Variants in KPNA1 observed in about 807,000 individuals in gnomAD.
The protein encoded by KPNA1 is karyopherin subunit alpha 1.
KPNA1 carries 10 observed loss-of-function variants against 70.5 expected under a neutral mutation model. That is an observed-to-expected ratio of 0.14 (90% CI 0.09 to 0.24). The LOEUF (loss-of-function observed/expected upper bound fraction) is 0.24, where lower values mean the gene tolerates loss of function less well. Ranked by LOEUF, KPNA1 falls within the 10% of genes least tolerant of loss-of-function variation. The probability of loss-of-function intolerance (pLI) is 1.00; values close to 1 mark genes in which losing one functional copy is unlikely to be tolerated. For missense variants in KPNA1, 397 were observed against 637.9 expected, an observed-to-expected ratio of 0.62 and a Z score of 4.07; for synonymous variants, 192 against 221.9, an observed-to-expected ratio of 0.87 and a Z score of 1.20.
chr3:122,483,637 G>A (rs1311949017), intron 2 of KPNA1, among the ~76,000 whole-genome samples: 1 of 152,110 alleles, frequency 6.6e-6, no homozygotes, highest in Non-Finnish European at 1.5e-5. Context: ...GAGCCACCGT[G>A]CCCAGCCTAG....
At chr3:122,454,049 T>C in intron 5 of KPNA1, 48 bp from the exon 6 acceptor site, 1 of 1,362,802 alleles carries the variant, frequency 7.3e-7, no homozygotes, top group Non-Finnish European at 1.0e-6. Flanking sequence ...ATGTAAAAGT[T>C]TGTTTACTTA....
chr3:122,463,015 C>T lies in KPNA1; in HGVS notation c.337+927G>A, dbSNP rs555605427. Among the ~76,000 whole-genome samples, 16 of 151,948 alleles carry T rather than the reference C, an allele frequency of 1.1e-4. No homozygotes were observed. The South Asian group carries it at 3.3e-3, about 32-fold the overall frequency. ...AGGCAGACGGATCATGATAGGATAT[C>T]GAGATCATCCTGGCCAACATGGTGA... On this transcript the variant is annotated intron_variant, in intron 4 of 13. Transcript: ENST00000344337.
At chr3:122,430,750 C>T (rs2075893831) in intron 12 of KPNA1, among the ~76,000 whole-genome samples, 1 of 152,158 alleles carries the variant, frequency 6.6e-6, no homozygotes, top group African/African-American at 2.4e-5. Context: ...AAGGATTCCA[C>T]CTTTTCAACA....
chr3:122,468,900 TGAAAA>T (rs1216809741), intron 2 of KPNA1, among the ~76,000 whole-genome samples: 1 of 151,974 alleles, frequency 6.6e-6, no homozygotes, highest in Non-Finnish European at 1.5e-5. Flanking sequence ...TCTTTAAAAC[TGAAAA>T]GAAAACAGAA....
intron 2 of KPNA1, among the ~76,000 whole-genome samples, chr3:122,487,900 T>G (rs1370661726): frequency 2.0e-5 from 3 of 152,200 alleles, no homozygotes; most frequent in Non-Finnish European, 4.4e-5. Context: ...GGAAAAATTT[T>G]TTCACCAATT....
chr3:122,452,773 A>AGGAGAGAT (rs1257106786), intron 6 of KPNA1, among the ~76,000 whole-genome samples: 2 of 150,930 alleles, frequency 1.3e-5, no homozygotes, highest in South Asian at 2.1e-4. Flanking sequence ...GACGGAGAGA[A>AGGAGAGAT]GGAGAGATGG....
At chr3:122,460,833 T>C (rs771648497) in intron 5 of KPNA1, among the ~76,000 whole-genome samples, 1 of 152,058 alleles carries the variant, frequency 6.6e-6, no homozygotes, top group Non-Finnish European at 1.5e-5. Context: ...GATTTGGGAA[T>C]TAATAAGACT....
intron 2 of KPNA1, among the ~76,000 whole-genome samples, chr3:122,487,613 A>T (rs2076644387): frequency 6.6e-6 from 1 of 152,246 alleles, no homozygotes; most frequent in Non-Finnish European, 1.5e-5. Context: ...TACAATACAG[A>T]TGAACCTTGA....
chr3:122,435,193 AAC>A (rs370106160), intron 11 of KPNA1, among the ~76,000 whole-genome samples: 1 of 151,858 alleles, frequency 6.6e-6, no homozygotes, highest in Admixed American at 6.6e-5. Flanking sequence ...CACACACACA[AAC>A]ACACACACAC....
At chr3:122,445,628 C>T (rs1426221959) in intron 9 of KPNA1, among the ~76,000 whole-genome samples, 1 of 152,128 alleles carries the variant, frequency 6.6e-6, no homozygotes, top group African/African-American at 2.4e-5. Context: ...GGCAAATTAA[C>T]CAGCTAACAT....
rs145777089 is a variant in KPNA1 at position 122,424,499 on chromosome 3, A to C, written c.*2486T>G. 1.4e-4 allele frequency: 22 copies of C among 152,658 alleles called. No individual in the cohort carries two copies. The East Asian group carries it at 4.2e-3, about 29-fold the overall frequency. The allele number at this position is 152,658 out of a possible 1,614,324, so 9.5% of individuals were successfully genotyped here. ...TTTTATTGTTAAAAAAGAAAAAAAA[A>C]CTTAGATCTTATAGTTCATGAACTT... On this transcript the variant is annotated 3_prime_UTR_variant, in exon 14 of 14. Coordinates refer to ENST00000344337, the MANE Select transcript of KPNA1 (RefSeq NM_002264.4).
chr3:122,485,375 G>A lies in KPNA1; in HGVS notation c.129+11062C>T, dbSNP rs147027803. Among the ~76,000 whole-genome samples, 546 of 152,006 alleles carry A rather than the reference G, an allele frequency of 3.6e-3. 3 individuals are homozygous for A. Among genetic ancestry groups the A allele is most frequent in the Non-Finnish European group, 5.1e-3 (345 of 67,994 alleles). On this transcript the variant is annotated intron_variant, in intron 2 of 13. Transcript: ENST00000344337. ...ACAGACCTATACAGATATGGTCAAC[G>A]GTAAGTGTTTCCAAGGAAATTCAAT...
chr3:122,445,823 A>C (rs1428735700), intron 9 of KPNA1, among the ~76,000 whole-genome samples: 1 of 152,186 alleles, frequency 6.6e-6, no homozygotes, highest in African/African-American at 2.4e-5. Context: ...GGGATGGAGG[A>C]AGATGTACAA....
In KPNA1 at chr3:122,452,025, T is replaced by C. The variant is rs142101334; in HGVS notation, c.604A>G (p.Met202Val). The change falls in exon 7 of 14, where the codon ATG (methionine) becomes GTG (valine). Residue 202 changes from methionine to valine, a missense_variant. Transcript: ENST00000344337. ...CAGTCTAAGACATAGTCCCTGCACA[T>C]GGTACTATCTCCAGCAATGTTGCCA... is the stretch of plus-strand genomic sequence containing the variant. Reference protein sequence around the residue: ...ALGNIAGDSTMCRDYVLDCNI... With the variant: ...ALGNIAGDSTVCRDYVLDCNI... 5.5e-5 allele frequency: 89 copies of C among 1,612,186 alleles called. No homozygotes were observed. The African/African-American group carries it at 9.7e-4, about 18-fold the overall frequency.
At chr3:122,499,623 G>T (rs536025241) in intron 1 of KPNA1, among the ~76,000 whole-genome samples, 1 of 152,166 alleles carries the variant, frequency 6.6e-6, no homozygotes, top group African/African-American at 2.4e-5. Flanking sequence ...AGACAGGCTG[G>T]TGGTGTGCAC....
chr3:122,474,138 C>G (rs1236851978), intron 2 of KPNA1, among the ~76,000 whole-genome samples: 1 of 152,060 alleles, frequency 6.6e-6, no homozygotes, highest in Non-Finnish European at 1.5e-5. Context: ...AGGTATGAAT[C>G]TAACAAAACA....
At chr3:122,456,078 A>C (rs749420201) in intron 5 of KPNA1, among the ~76,000 whole-genome samples, 3 of 152,214 alleles carry the variant, frequency 2.0e-5, no homozygotes, top group Non-Finnish European at 2.9e-5. Flanking sequence ...AGTTTCCTGA[A>C]ACATAATGCT....
chr3:122,514,239 G>T (rs894345437), intron 1 of KPNA1, among the ~76,000 whole-genome samples: 2 of 150,408 alleles, frequency 1.3e-5, no homozygotes, highest in East Asian at 4.0e-4. Context: ...ACCTCCCTCC[G>T]GGCCGCCGGC....
chr3:122,459,639 T>A (rs985639211), intron 5 of KPNA1: 1 of 985,286 alleles, frequency 1.0e-6, no homozygotes, highest in African/African-American at 1.7e-5. Flanking sequence ...TGTCTGATGA[T>A]CCTGGCCTTA....
Sources: allele counts gnomAD v4.1 joint callset (sites outside exome capture counted in the v4.1 genomes callset), GRCh38; gene constraint gnomAD v4.1.1; transcripts MANE v1.5; gene names NCBI Gene and HGNC (gene_info 2026-07-23, HGNC 2026-07-21).